Variants in KCTD1 observed in about 807,000 individuals in gnomAD.
KCTD1 encodes BTB/POZ domain-containing protein KCTD1.
Under a neutral mutation model 66.0 loss-of-function variants are expected in KCTD1, and 24 were observed. The observed-to-expected ratio is 0.36, with a 90% CI of 0.26 to 0.51. KCTD1 has a LOEUF of 0.51. Ranked by LOEUF, KCTD1 falls within the 20% of genes least tolerant of loss-of-function variation. KCTD1 has a pLI of 0.95. For missense variants in KCTD1, 943 were observed against 1,205.2 expected, an observed-to-expected ratio of 0.78 and a Z score of 3.22; for synonymous variants, 511 against 517.2, an observed-to-expected ratio of 0.99 and a Z score of 0.16.
chr18:26,637,492 G>A (rs1315187691), intron 1 of KCTD1, among the ~76,000 whole-genome samples: 1 of 152,190 alleles, frequency 6.6e-6, no homozygotes, highest in East Asian at 1.9e-4. Context: ...CTTCTATTAT[G>A]GGGTCAGCCC....
At chr18:26,572,290 C>T (rs1986128757) in intron 1 of KCTD1, among the ~76,000 whole-genome samples, 1 of 152,136 alleles carries the variant, frequency 6.6e-6, no homozygotes, top group Admixed American at 6.6e-5. Flanking sequence ...GAACTCCTGA[C>T]CTCATGATCC....
chr18:26,524,233 A>G (rs1478686237), intron 1 of KCTD1, among the ~76,000 whole-genome samples: 1 of 152,158 alleles, frequency 6.6e-6, no homozygotes, highest in African/African-American at 2.4e-5. Flanking sequence ...AGCTCCCAGG[A>G]CCACATCCAC....
At chr18:26,510,994 A>C (rs548093097) in intron 1 of KCTD1, among the ~76,000 whole-genome samples, 1 of 152,272 alleles carries the variant, frequency 6.6e-6, no homozygotes, top group South Asian at 2.1e-4. Flanking sequence ...TATGGGCAAA[A>C]ATTTTCAGTT....
chr18:26,579,420 A>G (rs1986301986), intron 1 of KCTD1, among the ~76,000 whole-genome samples: 2 of 152,184 alleles, frequency 1.3e-5, no homozygotes, highest in South Asian at 2.1e-4. Flanking sequence ...TTACATAACA[A>G]TTTTGCAGAT....
intron 1 of KCTD1, among the ~76,000 whole-genome samples, chr18:26,587,016 T>C (rs1412493383): frequency 6.6e-6 from 1 of 152,090 alleles, no homozygotes; most frequent in Non-Finnish European, 1.5e-5. Flanking sequence ...GTAAAGGTGG[T>C]TACACTAAAC....
chr18:26,491,935 A>G (rs1047314581), intron 2 of KCTD1, among the ~76,000 whole-genome samples: 1 of 152,218 alleles, frequency 6.6e-6, no homozygotes, highest in African/African-American at 2.4e-5. Flanking sequence ...GCTCCAGACC[A>G]ATAAAATTGG....
At chr18:26,618,599 T>C (rs762529864) in intron 1 of KCTD1, among the ~76,000 whole-genome samples, 6 of 152,238 alleles carry the variant, frequency 3.9e-5, no homozygotes, top group Non-Finnish European at 8.8e-5. Context: ...TGTTTCAAGA[T>C]TGACTCTGTG....
At chr18:26,619,830 T>G (rs1399732158) in intron 1 of KCTD1, among the ~76,000 whole-genome samples, 1 of 152,192 alleles carries the variant, frequency 6.6e-6, no homozygotes, top group Non-Finnish European at 1.5e-5. Context: ...AGCCACCAAA[T>G]GCATCAGCTC....
intron 1 of KCTD1, chr18:26,545,419 A>T (rs1028704005): frequency 1.6e-4 from 24 of 152,196 alleles, no homozygotes; most frequent in Non-Finnish European, 2.6e-4. Context: ...TGTATTTTAG[A>T]GAACTTTGGT....
intron 1 of KCTD1, among the ~76,000 whole-genome samples, chr18:26,622,696 G>T (rs894915907): frequency 6.6e-6 from 1 of 152,160 alleles, no homozygotes; most frequent in African/African-American, 2.4e-5. Context: ...AGAGGTCTCT[G>T]GGAAGATGAC....
intron 1 of KCTD1, among the ~76,000 whole-genome samples, chr18:26,600,973 G>A (rs1223548008): frequency 4.6e-5 from 7 of 152,016 alleles, no homozygotes; most frequent in African/African-American, 7.2e-5. Context: ...GATATCTTGA[G>A]ATTCTGCATG....
chr18:26,493,400 T>G lies in KCTD1; in HGVS notation c.1988+7672A>C, dbSNP rs192466950. On this transcript the variant is annotated intron_variant, in intron 2 of 4. Coordinates refer to ENST00000580059, the MANE Select transcript of KCTD1 (RefSeq NM_001142730.3). ...GAAAATATAGATGAACAAAGATGTA[T>G]TTTTTGGGGGGAAAAACATGTAGGA... Among the ~76,000 whole-genome samples, 155 of 109,484 alleles carry G rather than the reference T, an allele frequency of 1.4e-3. 7 individuals are homozygous for G. In the East Asian group the frequency reaches 0.016, roughly 11 times the overall value. 71.8% of individuals were successfully genotyped at this position (109,484 alleles called of 152,430 possible).
chr18:26,541,374 C>G (rs1215775759), intron 1 of KCTD1, among the ~76,000 whole-genome samples: 1 of 152,160 alleles, frequency 6.6e-6, no homozygotes, highest in African/African-American at 2.4e-5. Context: ...CCAAAGAAAA[C>G]GCAGACACTT....
chr18:26,513,510 C>T (rs2144723661), intron 1 of KCTD1, among the ~76,000 whole-genome samples: 1 of 152,350 alleles, frequency 6.6e-6, no homozygotes, highest in African/African-American at 2.4e-5. Flanking sequence ...GCACTTCTAA[C>T]AGTGTTGACA....
rs911354539 is a variant in KCTD1 at position 26,514,565 on chromosome 18, A to G, written c.1810-13315T>C. Among the ~76,000 whole-genome samples the G allele has an allele frequency of 7.3e-4, 108 of 147,392 alleles. No individual in the cohort carries two copies. In the South Asian group the frequency reaches 0.023, roughly 31 times the overall value. ...ACCTTGTCTCAAAAAAAAAAAAAAAAAAAAAAGAAATGGCAGAGAGATGTT... is the reference window on the plus strand; with the variant it reads ...ACCTTGTCTCAAAAAAAAAAAAAAAGAAAAAAGAAATGGCAGAGAGATGTT... On this transcript the variant is annotated intron_variant, in intron 1 of 4. Transcript: ENST00000580059.
rs1331085856 is a variant in KCTD1 at position 26,578,842 on chromosome 18, T to A, written c.-16+50305A>T. 2.6e-5 allele frequency among the ~76,000 whole-genome samples: 4 copies of A among 152,288 alleles called. No individual in the cohort carries two copies. In the South Asian group the frequency reaches 8.3e-4, roughly 32 times the overall value. On this transcript the variant is annotated intron_variant, in intron 1 of 4. Transcript: ENST00000317932. ...GTTGATCAAATTACACATCCACACTTCCGTGGAGGTTATCCAGTGTAATTC... is the reference window on the plus strand; with the variant it reads ...GTTGATCAAATTACACATCCACACTACCGTGGAGGTTATCCAGTGTAATTC...
In KCTD1 at chr18:26,476,381, T is replaced by C; in HGVS notation, c.2133+134A>G. 1.3e-6 allele frequency: 1 copy of C among 755,432 alleles called. No homozygotes were observed. The highest frequency in any genetic ancestry group is 2.1e-6 in the Non-Finnish European group (1 of 487,220). The allele number at this position is 755,432 out of a possible 1,614,324, so 46.8% of individuals were successfully genotyped here. A position where few individuals can be genotyped will look rare whatever the true frequency, so the allele number is the denominator to read the frequency against. ...GCCATAACCACTATTTCATGAATAG[T>C]GAACCATGTCAAAGAGAACTCTGGC... On this transcript the variant is annotated intron_variant, in intron 3 of 4. Coordinates refer to ENST00000580059, the MANE Select transcript of KCTD1 (RefSeq NM_001142730.3). The surrounding 1 kb of genome is among the most constrained non-coding windows in gnomAD (Gnocchi z 4.9).
At chr18:26,528,031 T>G (rs1046637052) in intron 1 of KCTD1, among the ~76,000 whole-genome samples, 1 of 152,142 alleles carries the variant, frequency 6.6e-6, no homozygotes, top group African/African-American at 2.4e-5. Flanking sequence ...AACAAGAGCC[T>G]ATTTTAATCC....
intron 1 of KCTD1, among the ~76,000 whole-genome samples, chr18:26,656,490 C>A (rs1157651264): frequency 6.6e-6 from 1 of 151,730 alleles, no homozygotes; most frequent in Non-Finnish European, 1.5e-5. Flanking sequence ...TGGGAGGGGG[C>A]TTTAAAGGCG....
Sources: allele counts gnomAD v4.1 joint callset (sites outside exome capture counted in the v4.1 genomes callset), GRCh38; gene constraint gnomAD v4.1.1; non-coding constraint Gnocchi (gnomAD v3.1); transcripts MANE v1.5; gene names NCBI Gene and HGNC (gene_info 2026-07-23, HGNC 2026-07-21).